Variants in CDH20 observed in about 807,000 individuals in gnomAD.
CDH20 encodes cadherin-20.
CDH20 carries 29 observed loss-of-function variants against 74.2 expected under a neutral mutation model. The observed-to-expected ratio is 0.39, with a 90% confidence interval of 0.29 to 0.53. The LOEUF (loss-of-function observed/expected upper bound fraction) is 0.53. Among genes scored for constraint, CDH20 ranks in the 20% least tolerant of loss-of-function variants. The pLI is 0.69. For synonymous variants in CDH20, 469 were observed against 405.4 expected (o/e 1.16, Z -1.88); for missense variants, 988 against 1,048.3 (o/e 0.94, Z 0.79).
chr18:61,526,560 C>T (rs1171581325), intron 6 of CDH20, among the ~76,000 whole-genome samples: 1 of 152,102 alleles, frequency 6.6e-6, no homozygotes, highest in African/African-American at 2.4e-5. Context: ...TTTTGTGGGA[C>T]TTAACATTCC....
At position 61,554,337 on chromosome 18, in the gene CDH20, T is replaced by C. The variant is rs1200280719; in HGVS notation, c.2048T>C (p.Met683Thr). The C allele has an allele frequency of 1.2e-6, 2 of 1,613,438 alleles. No individual in the cohort carries two copies. ...ACCGAGGCCTTCGACATCGCGGCCA[T>C]GTGGAACCCCCGGGAGGCGCAGGCG... ...EDTEAFDIAA[M>T]WNPREAQAGA... Residue 683 changes from methionine to threonine, a missense_variant, in exon 12 of 12, where the codon ATG becomes ACG. Around this residue, in one of 2 missense-constraint regions of CDH20, gnomAD observed 375 missense variants for 293.1 expected, o/e 1.28. Coordinates refer to ENST00000262717, the MANE Select transcript of CDH20 (RefSeq NM_031891.4).
At chr18:61,500,099 T>A (rs1427420825) in intron 3 of CDH20, among the ~76,000 whole-genome samples, 3 of 77,150 alleles carry the variant, frequency 3.9e-5, no homozygotes, top group East Asian at 3.5e-4. Flanking sequence ...TGAGACTCCA[T>A]CTTAAAAAAA....
intron 1 of CDH20, among the ~76,000 whole-genome samples, chr18:61,420,294 C>A (rs1186550577): frequency 1.3e-5 from 2 of 151,364 alleles, no homozygotes; most frequent in African/African-American, 4.8e-5. Context: ...TGTCTTCATT[C>A]ATGTCAATGA....
intron 1 of CDH20, among the ~76,000 whole-genome samples, chr18:61,405,864 T>C (rs1164546905): frequency 6.6e-6 from 1 of 152,212 alleles, no homozygotes. Flanking sequence ...TAAGCCTTCC[T>C]TCAAATATCA....
rs1198925208 is a variant in CDH20 at position 61,505,066 on chromosome 18, C to T, written c.829+1946C>T. On this transcript the variant is annotated intron_variant, in intron 5 of 11. Transcript: ENST00000262717. ...TCCATCTTCATTACTTCATGAAGGG[C>T]TCATATTACTCACACTATAGACTAT... Among the ~76,000 whole-genome samples, 6 of 152,126 alleles carry T rather than the reference C, an allele frequency of 3.9e-5. No homozygotes were observed. In the East Asian group the frequency reaches 1.2e-3, roughly 29 times the overall value.
At chr18:61,447,734 T>C (rs1909248310) in intron 1 of CDH20, among the ~76,000 whole-genome samples, 1 of 152,212 alleles carries the variant, frequency 6.6e-6, no homozygotes, top group Admixed American at 6.5e-5. Context: ...AGAGTTTAAA[T>C]TTAATTTCAC....
At chr18:61,343,161 C>A (rs1025969430) in intron 1 of CDH20, among the ~76,000 whole-genome samples, 7 of 152,214 alleles carry the variant, frequency 4.6e-5, no homozygotes, top group Non-Finnish European at 1.0e-4. Context: ...TGCACAACAA[C>A]TACTTCTTTA....
chr18:61,335,244 C>T (rs1366798835), intron 1 of CDH20, among the ~76,000 whole-genome samples: 1 of 152,070 alleles, frequency 6.6e-6, no homozygotes, highest in African/African-American at 2.4e-5. Flanking sequence ...TTAGTGTCAC[C>T]CTTGCAGTCT....
Position 61,536,620 on chromosome 18 carries a change from A to G in CDH20, c.1399A>G (p.Met467Val), listed in dbSNP as rs781722321. Residue 467 changes from methionine to valine, a missense_variant, in exon 8 of 12, where the codon ATG becomes GTG. By Grantham distance (21) the Met-to-Val change is conservative. Transcript: ENST00000262717. Reference protein sequence around the residue: ...FSWHNITVLAMEMNNPSQVGS... With the variant: ...FSWHNITVLAVEMNNPSQVGS... ...TTGGCATAATATCACTGTCCTTGCTATGGAAATGAGTAAGTAGCACAGTAA... is the reference window on the plus strand; with the variant it reads ...TTGGCATAATATCACTGTCCTTGCTGTGGAAATGAGTAAGTAGCACAGTAA... The G allele has an allele frequency of 3.1e-6, 5 of 1,613,884 alleles. No homozygotes were observed. Among genetic ancestry groups the G allele is most frequent in the East Asian group, 4.5e-5 (2 of 44,866 alleles).
At position 61,495,968 on chromosome 18, in the gene CDH20, C is replaced by T. The variant is rs185128616; in HGVS notation, c.247-3218C>T. On this transcript the variant is annotated intron_variant, in intron 2 of 11. Coordinates refer to ENST00000262717, the MANE Select transcript of CDH20 (RefSeq NM_031891.4). ...TGCTTCCCTGGGGCTGTTCTCTACC[C>T]GCTCCCCACTCCTTTTCCCTTTCCC... Among the ~76,000 whole-genome samples, 49 of 151,836 alleles carry T rather than the reference C, an allele frequency of 3.2e-4. 1 individual carries two copies. In the East Asian group the frequency reaches 4.9e-3, roughly 15 times the overall value.
chr18:61,461,000 T>C (rs568806874), intron 1 of CDH20, among the ~76,000 whole-genome samples: 17 of 152,348 alleles, frequency 1.1e-4, no homozygotes, highest in African/African-American at 3.8e-4. Context: ...TTGTTATTTA[T>C]ATTTTCTGTT....
intron 1 of CDH20, among the ~76,000 whole-genome samples, chr18:61,461,909 A>G (rs947919207): frequency 2.0e-5 from 3 of 152,148 alleles, no homozygotes; most frequent in African/African-American, 7.2e-5. Context: ...GTTGCTTTCC[A>G]CAACCAATCA....
intron 1 of CDH20, among the ~76,000 whole-genome samples, chr18:61,447,119 T>C (rs1292434743): frequency 1.3e-5 from 2 of 152,216 alleles, no homozygotes; most frequent in Non-Finnish European, 2.9e-5. Flanking sequence ...TAATGAAAGT[T>C]CTAGACCTTC....
Position 61,528,167 on chromosome 18 carries a change from A to G in CDH20, c.1218A>G (p.Thr406=), listed in dbSNP as rs1912504499. ...TGCCTGAGGATGTGGCGATTGGAACAACCATACAGATCATTTCTGCCAAGG... is the reference window on the plus strand; with the variant it reads ...TGCCTGAGGATGTGGCGATTGGAACGACCATACAGATCATTTCTGCCAAGG... The part of the protein sequence containing the change: ...VEVPEDVAIG[T]TIQIISAKDP... The change falls in exon 7 of 12, where the codon ACA becomes ACG. Residue 406 remains threonine (T), a synonymous_variant. Transcript: ENST00000262717. 1 of 1,613,998 alleles carries G rather than the reference A, an allele frequency of 6.2e-7. No homozygotes were observed. Among genetic ancestry groups the G allele is most frequent in the Non-Finnish European group, 8.5e-7 (1 of 1,180,000 alleles).
chr18:61,554,602 A>C lies in CDH20; in HGVS notation c.2313A>C (p.Glu771Asp). Reference sequence around the variant, plus strand: ...TGCAGTCGGCCACGTCGGACTCGGAACAGAGCTTCGACTTCCTGACGGACT... The same window carrying C: ...TGCAGTCGGCCACGTCGGACTCGGACCAGAGCTTCGACTTCCTGACGGACT... ...SSLQSATSDSEQSFDFLTDWG... is the reference protein window; with the variant it reads ...SSLQSATSDSDQSFDFLTDWG... The change falls in exon 12 of 12, where the codon GAA becomes GAC. Residue 771 changes from glutamate (E) to aspartate (D), a missense_variant. By Grantham distance (45) the Glu-to-Asp change is conservative. Around this residue, in one of 2 missense-constraint regions of CDH20, gnomAD observed 375 missense variants for 293.1 expected, o/e 1.28. Transcript: ENST00000262717. The C allele has an allele frequency of 6.2e-7, 1 of 1,608,748 alleles. No individual in the cohort carries two copies. The highest frequency in any genetic ancestry group is 1.1e-5 in the South Asian group (1 of 90,208).
intron 1 of CDH20, among the ~76,000 whole-genome samples, chr18:61,355,675 TAAACAA>T (rs535972901): frequency 2.3e-4 from 35 of 152,070 alleles, no homozygotes; most frequent in African/African-American, 7.7e-4. Context: ...CAAGTAAATA[TAAACAA>T]AAACAAGTAC....
At chr18:61,385,638 A>T (rs1911570887) in intron 1 of CDH20, among the ~76,000 whole-genome samples, 1 of 152,172 alleles carries the variant, frequency 6.6e-6, no homozygotes, top group African/African-American at 2.4e-5. Context: ...TATAAAAGAT[A>T]TTAACAGTTT....
chr18:61,466,734 G>A (rs1406283704), intron 1 of CDH20, among the ~76,000 whole-genome samples: 1 of 152,182 alleles, frequency 6.6e-6, no homozygotes, highest in South Asian at 2.1e-4. Flanking sequence ...CCTCAAGATG[G>A]CTTTAAGGCA....
intron 1 of CDH20, chr18:61,404,981 A>C: frequency 2.8e-6 from 2 of 710,576 alleles, no homozygotes; most frequent in South Asian, 2.8e-5. Flanking sequence ...TATTATTGCC[A>C]CTGTAGTGAT....
Sources: gnomAD v4.1 joint callset for allele counts (sites outside exome capture counted in the v4.1 genomes callset) on GRCh38, gnomAD v4.1.1 for gene constraint, gnomAD v4.1.1 regional missense constraint, MANE v1.5 for transcripts, NCBI Gene and HGNC (gene_info 2026-07-23, HGNC 2026-07-21) for gene names.